Variants in RALGPS1 observed in about 807,000 individuals in gnomAD.
RALGPS1 encodes the protein Ral GEF with PH domain and SH3 binding motif 1, also known as ras-specific guanine nucleotide-releasing factor RalGPS1.
A neutral mutation model predicts 78.8 loss-of-function variants in RALGPS1; 19 were observed. The observed-to-expected ratio is 0.24, with a 90% CI of 0.17 to 0.35. RALGPS1 has a LOEUF of 0.35. Among genes scored for constraint, RALGPS1 ranks in the 10% least tolerant of loss-of-function variants. The pLI is 1.00. For synonymous variants in RALGPS1, 228 were observed against 256.3 expected (o/e 0.89, Z 1.06); for missense variants, 454 against 688.3 (o/e 0.66, Z 3.81).
In RALGPS1 at chr9:127,222,828, CGAAGTAAGTT is replaced by C. The variant is rs2062809704; in HGVS notation, c.*4063_*4072del. 6.6e-6 allele frequency: 1 copy of C among 152,600 alleles called. No homozygotes were observed. Among genetic ancestry groups the C allele is most frequent in the Admixed American group, 6.5e-5 (1 of 15,284 alleles). The allele number at this position is 152,600 out of a possible 1,614,324, so 9.5% of individuals were successfully genotyped here. ...AGTTTTCAATTTCTTATGTACTCTTCGAAGTAAGTTGAAAATCAGTTTCTACATTTTAATT... is the reference window on the plus strand; with the variant it reads ...AGTTTTCAATTTCTTATGTACTCTTCGAAAATCAGTTTCTACATTTTAATT... On this transcript the variant is annotated 3_prime_UTR_variant, in exon 19 of 19. Transcript: ENST00000259351.
chr9:127,022,920 G>A (rs1015230719), intron 4 of RALGPS1, among the ~76,000 whole-genome samples: 5 of 152,208 alleles, frequency 3.3e-5, no homozygotes, highest in African/African-American at 7.2e-5. Context: ...TAGAAGGTAA[G>A]CACCATGAAA....
intron 8 of RALGPS1, among the ~76,000 whole-genome samples, chr9:127,092,531 A>G (rs13283040): frequency 6.6e-6 from 1 of 152,130 alleles, no homozygotes; most frequent in Non-Finnish European, 1.5e-5. Flanking sequence ...ATTCATTAAT[A>G]CAATAATTAT....
At chr9:127,151,411 T>A (rs1205542823) in intron 8 of RALGPS1, among the ~76,000 whole-genome samples, 2 of 152,018 alleles carry the variant, frequency 1.3e-5, no homozygotes, top group East Asian at 3.9e-4. Context: ...AATTGACATA[T>A]CATCAGATGT....
intron 8 of RALGPS1, among the ~76,000 whole-genome samples, chr9:127,144,670 T>C (rs1007226148): frequency 6.6e-6 from 1 of 152,200 alleles, no homozygotes; most frequent in Non-Finnish European, 1.5e-5. Flanking sequence ...CATTCAGCCA[T>C]AAAGGCAGTG....
chr9:127,200,599 G>A (rs1258295940), intron 14 of RALGPS1, among the ~76,000 whole-genome samples: 2 of 152,244 alleles, frequency 1.3e-5, no homozygotes, highest in Non-Finnish European at 2.9e-5. Context: ...ATGGGGGTTG[G>A]TGGGGGAGTG....
chr9:127,110,739 G>A (rs895746240), intron 8 of RALGPS1, among the ~76,000 whole-genome samples: 4 of 152,076 alleles, frequency 2.6e-5, no homozygotes, highest in South Asian at 4.1e-4. Context: ...CATCCTAGAC[G>A]CCTTTCTTTC....
chr9:127,115,559 A>G (rs962099936), intron 8 of RALGPS1, among the ~76,000 whole-genome samples: 1 of 152,256 alleles, frequency 6.6e-6, no homozygotes, highest in Non-Finnish European at 1.5e-5. Context: ...CTTGTTCAAG[A>G]TCACTTGGAA....
chr9:126,940,152 CT>C, intron 1 of RALGPS1, among the ~76,000 whole-genome samples: 1 of 152,196 alleles, frequency 6.6e-6, no homozygotes, highest in Non-Finnish European at 1.5e-5. Flanking sequence ...TCCTGTCACA[CT>C]TCTTTACCAT....
intron 8 of RALGPS1, among the ~76,000 whole-genome samples, chr9:127,107,674 C>T (rs1192604199): frequency 2.0e-5 from 3 of 152,122 alleles, no homozygotes; most frequent in African/African-American, 4.8e-5. Flanking sequence ...GAGTGTTTGC[C>T]CTCTTCTGAA....
intron 1 of RALGPS1, among the ~76,000 whole-genome samples, chr9:126,918,250 G>C (rs182225570): frequency 5.5e-4 from 84 of 152,242 alleles, no homozygotes; most frequent in African/African-American, 2.0e-3. Flanking sequence ...ATTTTTGTTC[G>C]TAAACATACA....
At chr9:127,188,832 T>TTTAAAAAAAAAAAAAAAAAAAAAAAA (rs756481918) in intron 11 of RALGPS1, among the ~76,000 whole-genome samples, 2 of 87,472 alleles carry the variant, frequency 2.3e-5, no homozygotes, top group Non-Finnish European at 2.3e-5. Context: ...CCATCTCTAC[T>TTTAAAAAAAAAAAAAAAAAAAAAAAA]AAAAAAAAAA....
intron 11 of RALGPS1, among the ~76,000 whole-genome samples, chr9:127,187,682 A>G (rs184812276): frequency 2.6e-5 from 4 of 152,358 alleles, no homozygotes; most frequent in Admixed American, 1.3e-4. Flanking sequence ...TGACTCAGGC[A>G]GTGAGACTGT....
intron 14 of RALGPS1, among the ~76,000 whole-genome samples, chr9:127,201,759 G>T (rs991226050): frequency 2.6e-5 from 4 of 152,116 alleles, no homozygotes; most frequent in African/African-American, 9.7e-5. Context: ...ACTCTAATGG[G>T]GAGCAGACTC....
At chr9:127,168,915 C>T in intron 10 of RALGPS1, 143 bp downstream of exon 10, 1 of 660,140 alleles carries the variant, frequency 1.5e-6, no homozygotes, top group East Asian at 2.6e-5. Flanking sequence ...CAGTAGCGCC[C>T]AGGCCCCAGC....
At chr9:127,125,174 A>G (rs1013763320) in intron 8 of RALGPS1, among the ~76,000 whole-genome samples, 1 of 152,226 alleles carries the variant, frequency 6.6e-6, no homozygotes, top group Non-Finnish European at 1.5e-5. Flanking sequence ...AGAAAATGAA[A>G]TAAGATGTGA....
chr9:127,051,179 G>C (rs985444832), intron 6 of RALGPS1, among the ~76,000 whole-genome samples: 1 of 152,192 alleles, frequency 6.6e-6, no homozygotes, highest in Non-Finnish European at 1.5e-5. Context: ...CTTGGAACTG[G>C]TGCTGGGCTT....
At chr9:127,054,921 T>G (rs923531770) in intron 7 of RALGPS1, among the ~76,000 whole-genome samples, 1 of 150,988 alleles carries the variant, frequency 6.6e-6, no homozygotes, top group Non-Finnish European at 1.5e-5. Context: ...AAGGCAGCAG[T>G]GAACTATGAT....
intron 1 of RALGPS1, among the ~76,000 whole-genome samples, chr9:126,919,619 C>T (rs369967322): frequency 1.6e-4 from 24 of 151,982 alleles, no homozygotes; most frequent in South Asian, 8.3e-4. Flanking sequence ...GGTTTTTGTG[C>T]GGAGGAAGGG....
intron 8 of RALGPS1, among the ~76,000 whole-genome samples, chr9:127,083,789 C>T (rs2051407963): frequency 6.6e-6 from 1 of 152,208 alleles, no homozygotes; most frequent in African/African-American, 2.4e-5. Flanking sequence ...TGAAGCAGCC[C>T]AATCCATTCT....
Sources: gnomAD v4.1 joint callset for allele counts (sites outside exome capture counted in the v4.1 genomes callset) on GRCh38, gnomAD v4.1.1 for gene constraint, MANE v1.5 for transcripts, NCBI Gene and HGNC (gene_info 2026-07-23, HGNC 2026-07-21) for gene names.